SSBP3: variants seen among roughly 807,000 people sequenced by gnomAD.
SSBP3 encodes single-stranded DNA-binding protein 3.
In SSBP3, 5 loss-of-function variants were observed where a neutral mutation model predicts 69.6. The ratio of observed to expected loss-of-function variants is 0.07; its 90% CI spans 0.04 to 0.15. The LOEUF is 0.15. SSBP3 is among the 10% of genes least tolerant of loss of function. The probability of loss-of-function intolerance (pLI) is 1.00; values close to 1 mark genes in which losing one functional copy is unlikely to be tolerated. For missense variants in SSBP3, 312 were observed against 534.0 expected (o/e 0.58, Z 4.10); for synonymous variants, 196 against 193.4 (o/e 1.01, Z -0.11).
At chr1:54,358,769 A>G (rs1384847990) in intron 4 of SSBP3, among the ~76,000 whole-genome samples, 3 of 152,198 alleles carry the variant, frequency 2.0e-5, no homozygotes, top group African/African-American at 7.2e-5. Flanking sequence ...TACGCTCTCA[A>G]CGACACAGGG....
intron 4 of SSBP3, among the ~76,000 whole-genome samples, chr1:54,348,653 TGTG>T (rs1349158218): frequency 6.6e-6 from 1 of 152,154 alleles, no homozygotes; most frequent in Non-Finnish European, 1.5e-5. Flanking sequence ...GGCAGATAGA[TGTG>T]GTGCAAGGTT....
chr1:54,351,527 A>G (rs565156453), intron 4 of SSBP3, among the ~76,000 whole-genome samples: 2 of 152,360 alleles, frequency 1.3e-5, no homozygotes, highest in South Asian at 2.1e-4. Flanking sequence ...AAATGACTCC[A>G]GTCACTTATG....
At chr1:54,403,303 G>A (rs571179955) in intron 3 of SSBP3, among the ~76,000 whole-genome samples, 4 of 152,058 alleles carry the variant, frequency 2.6e-5, no homozygotes, top group Non-Finnish European at 4.4e-5. Context: ...CTGTCTTCTG[G>A]AACTGTACAC....
chr1:54,243,083 C>T, intron 10 of SSBP3, 152 bp downstream of exon 10: 1 of 760,444 alleles, frequency 1.3e-6, no homozygotes, highest in South Asian at 1.6e-5. Flanking sequence ...CTCTCATCAC[C>T]AGGATCATCA....
At chr1:54,304,160 T>C (rs541900263) in intron 4 of SSBP3, among the ~76,000 whole-genome samples, 1 of 152,242 alleles carries the variant, frequency 6.6e-6, no homozygotes, top group South Asian at 2.1e-4. Context: ...TGAACACAAC[T>C]GGGGAGCACT....
chr1:54,228,878 C>T (rs563757622), intron 14 of SSBP3, 52 bp from the exon 15 acceptor site: 3 of 1,563,550 alleles, frequency 1.9e-6, no homozygotes, highest in East Asian at 2.3e-5. Flanking sequence ...GCCCTCTGCA[C>T]CCCTCACAGG....
At chr1:54,382,896 A>G (rs1647762233) in intron 4 of SSBP3, among the ~76,000 whole-genome samples, 1 of 151,800 alleles carries the variant, frequency 6.6e-6, no homozygotes, top group Admixed American at 6.6e-5. Flanking sequence ...AAGGCAGGAG[A>G]ATCACTTGAA....
At chr1:54,343,935 G>A (rs915201205) in intron 4 of SSBP3, among the ~76,000 whole-genome samples, 1 of 152,218 alleles carries the variant, frequency 6.6e-6, no homozygotes, top group Non-Finnish European at 1.5e-5. Context: ...TTTAGAAGAG[G>A]ACATGCAACT....
At chr1:54,407,232 A>C (rs560217791), upstream of SSBP3, among the ~76,000 whole-genome samples, 33 of 152,234 alleles carry the variant, frequency 2.2e-4, no homozygotes, top group East Asian at 6.4e-3. Flanking sequence ...AAGGTTTGCC[A>C]GTCTTGGCAA....
chr1:54,363,737 C>T (rs1413718448), intron 4 of SSBP3, among the ~76,000 whole-genome samples: 1 of 152,138 alleles, frequency 6.6e-6, no homozygotes, highest in Admixed American at 6.5e-5. Context: ...TTTCTTTCCA[C>T]CATAAAGGTA....
chr1:54,228,972 C>T, intron 14 of SSBP3, 146 bp from the exon 15 acceptor site: 2 of 812,222 alleles, frequency 2.5e-6, no homozygotes, highest in South Asian at 3.4e-5. Context: ...CATGTCCTGC[C>T]TGGCAGCTGG....
chr1:54,230,491 AT>A (rs1379936386), intron 14 of SSBP3, among the ~76,000 whole-genome samples: 2 of 152,206 alleles, frequency 1.3e-5, no homozygotes, highest in Non-Finnish European at 2.9e-5. Context: ...ATGACATATT[AT>A]TGTATACTTT....
intron 4 of SSBP3, among the ~76,000 whole-genome samples, chr1:54,297,167 G>A (rs1330555645): frequency 6.6e-6 from 1 of 152,226 alleles, no homozygotes; most frequent in Non-Finnish European, 1.5e-5. Context: ...GAAGATTTAA[G>A]TAATGGAAGG....
intron 4 of SSBP3, among the ~76,000 whole-genome samples, chr1:54,383,270 C>T (rs1459349810): frequency 6.6e-6 from 1 of 151,590 alleles, no homozygotes; most frequent in Non-Finnish European, 1.5e-5. Context: ...CCCAGCTACT[C>T]GGGAGGCTGA....
intron 4 of SSBP3, among the ~76,000 whole-genome samples, chr1:54,381,513 C>T: frequency 6.6e-6 from 1 of 151,898 alleles, no homozygotes; most frequent in East Asian, 1.9e-4. Context: ...GAATAACAGC[C>T]TTATAAGGAC....
At chr1:54,277,856 C>T (rs1010711368) in intron 5 of SSBP3, among the ~76,000 whole-genome samples, 1 of 152,096 alleles carries the variant, frequency 6.6e-6, no homozygotes, top group Admixed American at 6.5e-5. Flanking sequence ...CTAGGGAACC[C>T]ACCCAGATCA....
intron 4 of SSBP3, among the ~76,000 whole-genome samples, chr1:54,355,936 G>C (rs1036771379): frequency 6.6e-6 from 1 of 152,162 alleles, no homozygotes; most frequent in South Asian, 2.1e-4. Flanking sequence ...CGCAGTGCTC[G>C]TGCCATCAAC....
At chr1:54,338,661 C>T (rs79935420) in intron 4 of SSBP3, among the ~76,000 whole-genome samples, 2,388 of 152,316 alleles carry the variant, frequency 0.016, 56 homozygotes, top group African/African-American at 0.055. Context: ...GTTCTCTCTT[C>T]CCAGCCGAGG....
chr1:54,294,159 AAAAGAAAG>A lies in SSBP3; in HGVS notation c.277-12640_277-12633del, dbSNP rs747680453. ...CTCCATCTCAAAAAAAAAAAAAAAAAAAAGAAAGAAAGAAAGAAAGAAAGAAAGAAAGA... is the reference window on the plus strand; with the variant it reads ...CTCCATCTCAAAAAAAAAAAAAAAAAAAAGAAAGAAAGAAAGAAAGAAAGA... On this transcript the variant is annotated intron_variant, in intron 4 of 17. Transcript: ENST00000610401. Among the ~76,000 whole-genome samples, 655 of 86,088 alleles carry A rather than the reference AAAAGAAAG, an allele frequency of 7.6e-3. 23 individuals carry two copies. Among genetic ancestry groups the A allele is most frequent in the African/African-American group, 0.012 (294 of 24,434 alleles). 56.5% of individuals were successfully genotyped at this position (86,088 alleles called of 152,430 possible).
Sources: allele counts gnomAD v4.1 joint callset (sites outside exome capture counted in the v4.1 genomes callset), GRCh38; gene constraint gnomAD v4.1.1; transcripts MANE v1.5; gene names NCBI Gene and HGNC (gene_info 2026-07-23, HGNC 2026-07-21).